LRRTM4: variants seen among roughly 807,000 people sequenced by gnomAD.
LRRTM4 encodes the protein leucine rich repeat transmembrane neuronal 4.
LRRTM4 carries 25 observed loss-of-function variants against 47.6 expected under a neutral mutation model. The ratio of observed to expected loss-of-function variants is 0.53; its 90% CI spans 0.38 to 0.73. The LOEUF (loss-of-function observed/expected upper bound fraction) is 0.73. Among genes scored for constraint, LRRTM4 ranks in the 30% least tolerant of loss-of-function variants. The pLI is 0.00. For synonymous variants in LRRTM4, 311 were observed against 269.5 expected (o/e 1.15, Z -1.51); for missense variants, 638 against 713.4 (o/e 0.89, Z 1.20).
intron 3 of LRRTM4, among the ~76,000 whole-genome samples, chr2:77,199,044 G>A (rs1015930235): frequency 2.6e-5 from 4 of 152,032 alleles, no homozygotes; most frequent in African/African-American, 9.7e-5. Flanking sequence ...CTGTAGATCT[G>A]TTTTAGCACT....
chr2:76,927,178 C>T (rs991086162), intron 3 of LRRTM4, among the ~76,000 whole-genome samples: 3 of 152,032 alleles, frequency 2.0e-5, no homozygotes, highest in African/African-American at 7.2e-5. Context: ...TCCCTAGGAA[C>T]CCTCCCTTTG....
chr2:76,820,734 G>T (rs569296687), intron 3 of LRRTM4, among the ~76,000 whole-genome samples: 1 of 151,572 alleles, frequency 6.6e-6, no homozygotes, highest in Non-Finnish European at 1.5e-5. Flanking sequence ...TAATAGAGAA[G>T]TATGCTTAAG....
intron 3 of LRRTM4, among the ~76,000 whole-genome samples, chr2:77,251,805 T>C (rs1409331481): frequency 6.6e-6 from 1 of 152,116 alleles, no homozygotes; most frequent in Non-Finnish European, 1.5e-5. Context: ...ACATACATGG[T>C]ATTTTGTTGG....
intron 3 of LRRTM4, among the ~76,000 whole-genome samples, chr2:77,141,208 A>G (rs1179237827): frequency 6.6e-6 from 1 of 152,202 alleles, no homozygotes; most frequent in Non-Finnish European, 1.5e-5. Context: ...AATAACAAAT[A>G]CTTGTAACCA....
chr2:76,790,879 GACTGAATCCCACAGCAGGTTGTATTAGTC>G (rs1366400988), intron 3 of LRRTM4, among the ~76,000 whole-genome samples: 1 of 152,130 alleles, frequency 6.6e-6, no homozygotes, highest in Non-Finnish European at 1.5e-5. Context: ...GATGCTGTCT[GACTGAATCCCACAGCAGGTTGTATTAGTC>G]ACTGAATACT....
chr2:77,392,784 T>G (rs1045449871), intron 3 of LRRTM4, among the ~76,000 whole-genome samples: 2 of 151,994 alleles, frequency 1.3e-5, no homozygotes, highest in Non-Finnish European at 2.9e-5. Flanking sequence ...AGGAATATGT[T>G]CAAGAGAACT....
At chr2:77,289,678 G>C (rs866884031) in intron 3 of LRRTM4, among the ~76,000 whole-genome samples, 1 of 151,918 alleles carries the variant, frequency 6.6e-6, no homozygotes, top group Non-Finnish European at 1.5e-5. Flanking sequence ...TCTATTTCTG[G>C]CTACAATGTA....
intron 3 of LRRTM4, among the ~76,000 whole-genome samples, chr2:76,904,716 C>A (rs553501815): frequency 3.9e-5 from 6 of 152,202 alleles, no homozygotes; most frequent in African/African-American, 1.4e-4. Context: ...CACTCAAACT[C>A]CATACACCAC....
chr2:77,342,747 AC>A (rs1454563402), intron 3 of LRRTM4, among the ~76,000 whole-genome samples: 1 of 151,578 alleles, frequency 6.6e-6, no homozygotes, highest in Non-Finnish European at 1.5e-5. Flanking sequence ...TTTCCTCTAT[AC>A]CCAGGAAATG....
At chr2:76,841,628 A>G (rs1255533112) in intron 3 of LRRTM4, among the ~76,000 whole-genome samples, 3 of 151,440 alleles carry the variant, frequency 2.0e-5, no homozygotes. Flanking sequence ...TCCAGTTAAA[A>G]ATATAGGAGG....
chr2:76,880,491 G>A (rs554072016), intron 3 of LRRTM4, among the ~76,000 whole-genome samples: 3 of 152,132 alleles, frequency 2.0e-5, no homozygotes, highest in East Asian at 1.9e-4. Context: ...AACTAGAGTA[G>A]AGTTTAACAT....
chr2:76,970,659 C>G (rs1010957698), intron 3 of LRRTM4, among the ~76,000 whole-genome samples: 1 of 152,038 alleles, frequency 6.6e-6, no homozygotes, highest in Non-Finnish European at 1.5e-5. Context: ...AGCAATTTCA[C>G]ACCATCTTCA....
At chr2:76,913,838 C>T (rs1346883812) in intron 3 of LRRTM4, among the ~76,000 whole-genome samples, 5 of 151,694 alleles carry the variant, frequency 3.3e-5, no homozygotes, top group Admixed American at 6.6e-5. Context: ...CATGCCCAGC[C>T]GCTATTTCAA....
chr2:77,043,523 T>C (rs749858218), intron 3 of LRRTM4, among the ~76,000 whole-genome samples: 1 of 151,766 alleles, frequency 6.6e-6, no homozygotes, highest in Non-Finnish European at 1.5e-5. Context: ...GTCATTGTGT[T>C]CAATTTATGT....
intron 3 of LRRTM4, among the ~76,000 whole-genome samples, chr2:77,431,368 G>A (rs1336027574): frequency 2.0e-5 from 3 of 148,672 alleles, no homozygotes; most frequent in Non-Finnish European, 4.4e-5. Flanking sequence ...CCATTTATGA[G>A]GGCTATGCTC....
rs10527679 is a variant in LRRTM4, at chr2:77,285,340, T to TTA, written c.1551+232976_1551+232977dup. ...AAATTAATTCTACTCAGCATTAAAT[T>TTA]TATATATATATATATATATATATGG... On this transcript the variant is annotated intron_variant, in intron 3 of 3. Coordinates refer to ENST00000409884, the MANE Select transcript of LRRTM4 (RefSeq NM_001134745.3). Among the ~76,000 whole-genome samples the TTA allele has an allele frequency of 4.7e-3, 390 of 82,594 alleles. 37 individuals carry two copies. Among genetic ancestry groups the TTA allele is most frequent in the Middle Eastern group, 9.6e-3 (1 of 104 alleles). The allele number at this position is 82,594 out of a possible 152,430, so 54.2% of individuals were successfully genotyped here.
chr2:77,126,366 G>A (rs970043705), intron 3 of LRRTM4, among the ~76,000 whole-genome samples: 2 of 152,076 alleles, frequency 1.3e-5, no homozygotes, highest in African/African-American at 4.8e-5. Flanking sequence ...TTCATGTTGA[G>A]GTTATGGGGT....
At chr2:76,801,178 C>A (rs530805678) in intron 3 of LRRTM4, among the ~76,000 whole-genome samples, 9 of 152,016 alleles carry the variant, frequency 5.9e-5, no homozygotes, top group South Asian at 2.1e-4. Flanking sequence ...TACCCAAATG[C>A]CTATAAATCA....
At chr2:77,013,290 T>C (rs1274937529) in intron 3 of LRRTM4, among the ~76,000 whole-genome samples, 2 of 152,116 alleles carry the variant, frequency 1.3e-5, no homozygotes, top group Non-Finnish European at 2.9e-5. Flanking sequence ...ATAGAGCAGA[T>C]GTGGTGCTGT....
Sources: gnomAD v4.1 joint callset for allele counts (sites outside exome capture counted in the v4.1 genomes callset) on GRCh38, gnomAD v4.1.1 for gene constraint, MANE v1.5 for transcripts, NCBI Gene and HGNC (gene_info 2026-07-23, HGNC 2026-07-21) for gene names.